The following SLC39A11 variants were observed in gnomAD, a reference collection of about 807,000 sequenced individuals.
The protein encoded by SLC39A11 is zinc transporter ZIP11.
Under a neutral mutation model 36.1 loss-of-function variants are expected in SLC39A11, and 33 were observed. The ratio of observed to expected loss-of-function variants is 0.91; its 90% CI spans 0.69 to 1.22. SLC39A11 has a LOEUF of 1.22. Ranked by LOEUF, SLC39A11 falls within the 50% of genes most tolerant of loss-of-function variation. SLC39A11 has a pLI of 0.00. For synonymous variants in SLC39A11, 166 were observed against 170.3 expected, an observed-to-expected ratio of 0.97 and a Z score of 0.20; for missense variants, 432 against 430.3, an observed-to-expected ratio of 1.00 and a Z score of -0.03.
rs1181476460 is a variant in SLC39A11, at chr17:73,084,160, G to T, written c.147+648C>A. 2.6e-5 allele frequency among the ~76,000 whole-genome samples: 4 copies of T among 152,052 alleles called. No homozygotes were observed. In the East Asian group the frequency reaches 5.8e-4, roughly 22 times the overall value. Reference sequence around the variant, plus strand: ...TGTTTAACAATGTCTATAATATGCTGGGTTCCATAACTCACGCCTGTAATC... The same window carrying T: ...TGTTTAACAATGTCTATAATATGCTTGGTTCCATAACTCACGCCTGTAATC... On this transcript the variant is annotated intron_variant, in intron 3 of 9. Transcript: ENST00000255559.
At chr17:72,803,667 G>A (rs956283353) in intron 6 of SLC39A11, among the ~76,000 whole-genome samples, 2 of 152,142 alleles carry the variant, frequency 1.3e-5, no homozygotes, top group Non-Finnish European at 2.9e-5. Context: ...AGCTCCTGGA[G>A]GGCAGGTCAC....
chr17:72,827,502 A>G (rs1170091363), intron 6 of SLC39A11, among the ~76,000 whole-genome samples: 1 of 152,246 alleles, frequency 6.6e-6, no homozygotes, highest in African/African-American at 2.4e-5. Flanking sequence ...TGTGTGAGTT[A>G]CATTTTGATA....
In SLC39A11 at chr17:72,741,640, C is replaced by T. The variant is rs567419912; in HGVS notation, c.602-4921G>A. ...TGGAGCCTAGAGGCCTAATGTGGAG[C>T]ACTAGTATTTGCATTAAAATGACTA... On this transcript the variant is annotated intron_variant, in intron 6 of 9. Transcript: ENST00000255559. Among the ~76,000 whole-genome samples, 6 of 152,236 alleles carry T rather than the reference C, an allele frequency of 3.9e-5. No homozygotes were observed. In the East Asian group the frequency reaches 9.7e-4, roughly 25 times the overall value.
intron 4 of SLC39A11, among the ~76,000 whole-genome samples, chr17:72,984,027 C>G (rs1366458828): frequency 6.6e-6 from 1 of 152,104 alleles, no homozygotes. Context: ...GAGGGGTAAC[C>G]AGGCAGAGAG....
intron 4 of SLC39A11, among the ~76,000 whole-genome samples, chr17:72,978,030 C>T (rs1002614138): frequency 2.0e-5 from 3 of 152,262 alleles, no homozygotes; most frequent in African/African-American, 7.2e-5. Flanking sequence ...GCTTCTCTAT[C>T]ATTGGATTCC....
intron 5 of SLC39A11, among the ~76,000 whole-genome samples, chr17:72,872,976 C>T (rs995335876): frequency 3.3e-5 from 5 of 151,414 alleles, no homozygotes; most frequent in Middle Eastern, 6.8e-3. Flanking sequence ...ATGGCGTGAA[C>T]CCGGGAGGCG....
intron 3 of SLC39A11, among the ~76,000 whole-genome samples, chr17:73,061,893 G>A (rs1360984224): frequency 6.6e-6 from 1 of 152,066 alleles, no homozygotes; most frequent in Non-Finnish European, 1.5e-5. Context: ...CTACTCAGGG[G>A]GCTAAGGTGG....
At chr17:72,885,752 C>G (rs144223071) in intron 5 of SLC39A11, among the ~76,000 whole-genome samples, 2 of 152,306 alleles carry the variant, frequency 1.3e-5, no homozygotes, top group East Asian at 3.9e-4. Context: ...ACACTTCCCC[C>G]CTCATCAAGC....
chr17:72,786,831 T>TC (rs148510929), intron 6 of SLC39A11, among the ~76,000 whole-genome samples: 44 of 152,236 alleles, frequency 2.9e-4, no homozygotes, highest in African/African-American at 1.1e-3. Flanking sequence ...TTTTTCTTGT[T>TC]TTTTTTGAGA....
At chr17:73,025,731 G>T (rs1373573373) in intron 4 of SLC39A11, among the ~76,000 whole-genome samples, 1 of 151,880 alleles carries the variant, frequency 6.6e-6, no homozygotes, top group African/African-American at 2.4e-5. Context: ...CTATAAAGTC[G>T]ATTTAAAGTA....
intron 5 of SLC39A11, among the ~76,000 whole-genome samples, chr17:72,851,407 A>G (rs1360180565): frequency 6.6e-6 from 1 of 152,168 alleles, no homozygotes; most frequent in South Asian, 2.1e-4. Flanking sequence ...TAGAGGAGAT[A>G]GGTCTTGAGT....
intron 5 of SLC39A11, among the ~76,000 whole-genome samples, chr17:72,900,477 C>G (rs556047414): frequency 2.0e-5 from 3 of 151,808 alleles, no homozygotes; most frequent in Non-Finnish European, 4.4e-5. Context: ...ATGAAGGGGG[C>G]GGGCTGGGGT....
At chr17:72,916,741 T>G (rs72850912) in intron 5 of SLC39A11, among the ~76,000 whole-genome samples, 22,057 of 152,118 alleles carry the variant, frequency 0.14, 1,927 homozygotes, top group Non-Finnish European at 0.2. Flanking sequence ...ATATATACCC[T>G]ATTCCTCTTT....
At chr17:73,025,772 T>A (rs538784811) in intron 4 of SLC39A11, among the ~76,000 whole-genome samples, 1 of 152,242 alleles carries the variant, frequency 6.6e-6, no homozygotes, top group South Asian at 2.1e-4. Context: ...ATTGGAAAAG[T>A]GTTTATATTT....
At chr17:73,091,602 A>T (rs2060925782) in intron 1 of SLC39A11, among the ~76,000 whole-genome samples, 1 of 151,570 alleles carries the variant, frequency 6.6e-6, no homozygotes, top group South Asian at 2.1e-4. Flanking sequence ...GAGAAGAAAA[A>T]GTTTCTGGCA....
intron 7 of SLC39A11, among the ~76,000 whole-genome samples, chr17:72,684,562 G>A (rs1255487449): frequency 6.6e-6 from 1 of 152,132 alleles, no homozygotes; most frequent in Non-Finnish European, 1.5e-5. Flanking sequence ...ACCTTGGGAG[G>A]CTTTCAAGAG....
At position 72,872,912 on chromosome 17, in the gene SLC39A11, G is replaced by A. The variant is rs551785216; in HGVS notation, c.431-23108C>T. Among the ~76,000 whole-genome samples, 1,162 of 151,932 alleles carry A rather than the reference G, an allele frequency of 7.6e-3. 7 individuals are homozygous for A. The highest frequency in any genetic ancestry group is 0.017 in the Middle Eastern group (5 of 294). ...TCTACTAAAATACAAAAAATTAGCC[G>A]GGCGTGGTGGCGGGCACCTGTAGTC... On this transcript the variant is annotated intron_variant, in intron 5 of 9. Coordinates refer to ENST00000255559, the MANE Select transcript of SLC39A11 (RefSeq NM_139177.4).
intron 6 of SLC39A11, among the ~76,000 whole-genome samples, chr17:72,758,736 C>T (rs562708192): frequency 2.1e-4 from 32 of 152,286 alleles, no homozygotes; most frequent in Admixed American, 3.9e-4. Flanking sequence ...GACAGCCACC[C>T]GGACTTCACA....
intron 7 of SLC39A11, among the ~76,000 whole-genome samples, chr17:72,708,735 C>T (rs2072993342): frequency 6.6e-6 from 1 of 152,180 alleles, no homozygotes; most frequent in Non-Finnish European, 1.5e-5. Context: ...CTTCCCAACC[C>T]ATGACTGAGC....
Sources: gnomAD v4.1 joint callset for allele counts (sites outside exome capture counted in the v4.1 genomes callset) on GRCh38, gnomAD v4.1.1 for gene constraint, MANE v1.5 for transcripts, NCBI Gene and HGNC (gene_info 2026-07-23, HGNC 2026-07-21) for gene names.